Variants in TRPM1 observed in about 807,000 individuals in gnomAD.
TRPM1 encodes the protein TRPM1-203 APA Isoform, Intron 10.
Under a neutral mutation model 149.4 loss-of-function variants are expected in TRPM1, and 113 were observed. The ratio of observed to expected loss-of-function variants is 0.76; its 90% CI spans 0.65 to 0.88. The LOEUF (loss-of-function observed/expected upper bound fraction) is 0.88, where lower values mean the gene tolerates loss of function less well. TRPM1 is among the 40% of genes least tolerant of loss of function. The probability of loss-of-function intolerance (pLI) is 0.00; values close to 1 mark genes in which losing one functional copy is unlikely to be tolerated. For missense variants in TRPM1, 1,976 were observed against 2,038.7 expected, an observed-to-expected ratio of 0.97 and a Z score of 0.59; for synonymous variants, 741 against 759.5, an observed-to-expected ratio of 0.98 and a Z score of 0.40.
At chr15:31,041,719 T>A (rs2033623011) in intron 17 of TRPM1, among the ~76,000 whole-genome samples, 1 of 152,084 alleles carries the variant, frequency 6.6e-6, no homozygotes, top group Non-Finnish European at 1.5e-5. Context: ...AGGAAAAAAA[T>A]TGTGTTTCAA....
At chr15:31,057,524 C>T (rs1290741484) in intron 11 of TRPM1, among the ~76,000 whole-genome samples, 1 of 152,096 alleles carries the variant, frequency 6.6e-6, no homozygotes, top group Non-Finnish European at 1.5e-5. Flanking sequence ...GCACTTGTAC[C>T]CCTGAACTTA....
intron 27 of TRPM1, among the ~76,000 whole-genome samples, chr15:31,025,590 G>C (rs1401669572): frequency 6.6e-6 from 1 of 152,182 alleles, no homozygotes; most frequent in African/African-American, 2.4e-5. Context: ...GACACACCCT[G>C]CCCTAGTTTA....
chr15:31,065,765 T>TA (rs2034357543), intron 7 of TRPM1, among the ~76,000 whole-genome samples: 1 of 152,156 alleles, frequency 6.6e-6, no homozygotes, highest in Admixed American at 6.5e-5. Flanking sequence ...TTAAAACACT[T>TA]AAAAAATAAC....
chr15:31,031,799 A>T (rs1400950253), intron 22 of TRPM1, among the ~76,000 whole-genome samples: 1 of 152,064 alleles, frequency 6.6e-6, no homozygotes, highest in Non-Finnish European at 1.5e-5. Flanking sequence ...TAATGTAAGG[A>T]TGACCTGCTG....
rs766135610 is a variant in TRPM1 at position 31,002,423 on chromosome 15, G to A, written c.4277C>T (p.Thr1426Met). 1.8e-5 allele frequency: 29 copies of A among 1,614,178 alleles called. No homozygotes were observed. The African/African-American group carries it at 2.1e-4, about 12-fold the overall frequency. Residue 1426 changes from threonine (T) to methionine (M), a missense_variant, in exon 28 of 28, where the codon ACG becomes ATG. Coordinates refer to ENST00000256552, the MANE Select transcript of TRPM1 (RefSeq NM_001252024.2). The part of the protein sequence containing the change: ...DVQNTQLTVE[T>M]TNIEGTISYP... Reference sequence around the variant, plus strand: ...GGAAATAGTGCCTTCTATATTTGTCGTTTCCACTGTTAGCTGAGTGTTTTG... The same window carrying A: ...GGAAATAGTGCCTTCTATATTTGTCATTTCCACTGTTAGCTGAGTGTTTTG...
chr15:31,145,190 T>C (rs569744461), intron 1 of TRPM1, among the ~76,000 whole-genome samples: 1 of 152,312 alleles, frequency 6.6e-6, no homozygotes, highest in South Asian at 2.1e-4. Flanking sequence ...GAACGTCTCA[T>C]GCCCTTGATG....
intron 27 of TRPM1, among the ~76,000 whole-genome samples, chr15:31,008,011 T>C (rs2032057585): frequency 6.6e-6 from 1 of 152,244 alleles, no homozygotes; most frequent in Non-Finnish European, 1.5e-5. Context: ...GAAATAAGAT[T>C]AATTTTTGTT....
intron 27 of TRPM1, among the ~76,000 whole-genome samples, chr15:31,023,567 G>A: frequency 6.6e-6 from 1 of 152,208 alleles, no homozygotes; most frequent in East Asian, 1.9e-4. Context: ...TGTACTAGGT[G>A]CGTTGGGGTA....
chr15:31,061,496 C>A lies in TRPM1; in HGVS notation c.1108G>T (p.Gly370Cys). 1 of 1,614,028 alleles carries A rather than the reference C, an allele frequency of 6.2e-7. No homozygotes were observed. Among genetic ancestry groups the A allele is most frequent in the Non-Finnish European group, 8.5e-7 (1 of 1,179,990 alleles). The change falls in exon 10 of 28, where the codon GGT becomes TGT. Residue 370 changes from glycine to cysteine, a missense_variant. By Grantham distance (159) the Gly-to-Cys change is radical. Transcript: ENST00000256552. ...TCGATGTCCTGCTGGCCCTCAGAACCCATTCTGAACACAGTGACCTGAAAA... is the reference window on the plus strand; with the variant it reads ...TCGATGTCCTGCTGGCCCTCAGAACACATTCTGAACACAGTGACCTGAAAA... ...KKELVTVFRM[G>C]SEGQQDIEMA...
chr15:31,076,934 A>G lies in TRPM1; in HGVS notation c.54T>C (p.Phe18=). The part of the protein sequence containing the change: ...EKTFCKRECI[F]VIPSMKDSNR... ...TAGAGTCTTTCATGCTAGGAATTAC[A>G]AAGATACATTCCCGTTTGCAAAAGG... Residue 18 remains phenylalanine (F), a synonymous_variant, in exon 3 of 28, where the codon TTT becomes TTC. Transcript: ENST00000256552. 1.9e-6 allele frequency: 3 copies of G among 1,612,364 alleles called. No individual in the cohort carries two copies. The highest frequency in any genetic ancestry group is 2.5e-6 in the Non-Finnish European group (3 of 1,178,388).
At chr15:31,050,660 C>T in intron 11 of TRPM1, 78 bp from the exon 12 acceptor site, 1 of 1,517,462 alleles carries the variant, frequency 6.6e-7, no homozygotes, top group Non-Finnish European at 9.1e-7. Flanking sequence ...TTGACCCTCC[C>T]ACCTCTGTAT....
upstream of TRPM1, among the ~76,000 whole-genome samples, chr15:31,106,681 A>G (rs1203934059): frequency 6.6e-6 from 1 of 152,178 alleles, no homozygotes; most frequent in African/African-American, 2.4e-5. Flanking sequence ...TGATTTCACC[A>G]GACCCGTGTC....
chr15:31,066,128 C>T lies in TRPM1; in HGVS notation c.738G>A (p.Val246=), dbSNP rs1312847009. ...NGTLGKYGAE[V]KLRRLLEKHI... ...GCTTTTCCAGCAGCCTTCGCAGCTT[C>T]ACCTCGGCGCCATACTTGCCCAGGG... The change falls in exon 7 of 28, where the codon GTG becomes GTA. Residue 246 remains valine (V), a synonymous_variant. Coordinates refer to ENST00000256552, the MANE Select transcript of TRPM1 (RefSeq NM_001252024.2). 6.2e-7 allele frequency: 1 copy of T among 1,614,088 alleles called. No individual in the cohort carries two copies. Among genetic ancestry groups the T allele is most frequent in the African/African-American group, 1.3e-5 (1 of 74,934 alleles).
Position 31,070,451 on chromosome 15 carries a change from G to A in TRPM1, c.84-225C>T, listed in dbSNP as rs17815804. 0.18 allele frequency: 126,346 copies of A among 701,864 alleles called. 13,224 individuals carry two copies. Among genetic ancestry groups the A allele is most frequent in the Admixed American group, 0.32 (15,903 of 49,840 alleles). 43.5% of individuals were successfully genotyped at this position (701,864 alleles called of 1,614,324 possible). On this transcript the variant is annotated intron_variant, in intron 3 of 27. Transcript: ENST00000256552. ...CAGTCGATTTTAGACACATTGGATG[G>A]TTGCTCTTTCGGAAAATATTTCAAC...
At chr15:31,160,750 G>A (rs1401939955) in intron 1 of TRPM1, among the ~76,000 whole-genome samples, 5 of 152,198 alleles carry the variant, frequency 3.3e-5, no homozygotes, top group East Asian at 1.9e-4. Flanking sequence ...GGACCCTGAC[G>A]TGAGAGCTCT....
At chr15:31,157,729 G>A (rs1041154874) in intron 1 of TRPM1, among the ~76,000 whole-genome samples, 3 of 152,120 alleles carry the variant, frequency 2.0e-5, no homozygotes, top group African/African-American at 7.2e-5. Context: ...AGGATTCCAC[G>A]CTGTGCACCC....
At chr15:31,007,535 C>G (rs1166346136) in intron 27 of TRPM1, among the ~76,000 whole-genome samples, 1 of 152,122 alleles carries the variant, frequency 6.6e-6, no homozygotes, top group Non-Finnish European at 1.5e-5. Context: ...GGCACAGTGG[C>G]TCATGCCTAC....
At chr15:31,124,132 A>G (rs2035914135) in intron 1 of TRPM1, among the ~76,000 whole-genome samples, 1 of 152,136 alleles carries the variant, frequency 6.6e-6, no homozygotes, top group South Asian at 2.1e-4. Context: ...AAAAAATACA[A>G]AAGTTAGCTG....
At chr15:31,086,100 C>G (rs780909355) in intron 1 of TRPM1, among the ~76,000 whole-genome samples, 2 of 152,194 alleles carry the variant, frequency 1.3e-5, no homozygotes, top group Non-Finnish European at 2.9e-5. Flanking sequence ...TCACAGTGGT[C>G]ATAAACAAGG....
Sources: allele counts gnomAD v4.1 joint callset (sites outside exome capture counted in the v4.1 genomes callset), GRCh38; gene constraint gnomAD v4.1.1; transcripts MANE v1.5; gene names NCBI Gene and HGNC (gene_info 2026-07-23, HGNC 2026-07-21).